The following HMGB1 variants were observed in gnomAD, a reference collection of about 807,000 sequenced individuals.
The protein encoded by HMGB1 is high mobility group box 1.
For missense variants in HMGB1, 79 were observed against 253.5 expected (o/e 0.31, Z 4.67); for synonymous variants, 81 against 84.0 (o/e 0.96, Z 0.19).
chr13:30,578,726 G>A (rs939939519), intron 1 of HMGB1, among the ~76,000 whole-genome samples: 1 of 151,956 alleles, frequency 6.6e-6, no homozygotes, highest in Non-Finnish European at 1.5e-5. Context: ...GTCTTCAATG[G>A]GCTCCACCTC....
intron 1 of HMGB1, among the ~76,000 whole-genome samples, chr13:30,575,526 A>G (rs1432071654): frequency 6.6e-6 from 1 of 152,208 alleles, no homozygotes; most frequent in East Asian, 1.9e-4. Context: ...ATTCTAAGAT[A>G]AACTGTCTGT....
chr13:30,516,732 C>T (rs1392849736), intron 1 of HMGB1, among the ~76,000 whole-genome samples: 1 of 151,928 alleles, frequency 6.6e-6, no homozygotes, highest in Non-Finnish European at 1.5e-5. Flanking sequence ...AGCCTGAGCA[C>T]CATAGTGAGA....
chr13:30,550,565 T>C (rs1869380840), intron 1 of HMGB1, among the ~76,000 whole-genome samples: 1 of 152,162 alleles, frequency 6.6e-6, no homozygotes, highest in African/African-American at 2.4e-5. Flanking sequence ...TTCATTTGCC[T>C]CTTTGCTCAG....
At chr13:30,464,324 G>C in intron 1 of HMGB1, 1 of 985,414 alleles carries the variant, frequency 1.0e-6, no homozygotes, top group Non-Finnish European at 1.2e-6. Flanking sequence ...TTTCTGTTCT[G>C]ACTAAACACG....
At chr13:30,540,582 CTTTTTTT>C (rs373841770) in intron 1 of HMGB1, 3 of 132,616 alleles carry the variant, frequency 2.3e-5, no homozygotes, top group East Asian at 2.2e-4. Flanking sequence ...ACACTTTAGT[CTTTTTTT>C]TTTTTTTTTT....
Position 30,596,374 on chromosome 13 carries a change from C to T in HMGB1, c.-15+20297G>A, listed in dbSNP as rs138006675. Among the ~76,000 whole-genome samples, 715 of 152,268 alleles carry T rather than the reference C, an allele frequency of 4.7e-3. 6 individuals are homozygous for T. The highest frequency in any genetic ancestry group is 0.015 in the African/African-American group (635 of 41,536). On this transcript the variant is annotated intron_variant, in intron 1 of 4. Coordinates refer to the HMGB1 transcript ENST00000405805. The stretch of plus-strand genomic sequence containing the variant: ...TGTCTTTATAGTGGTTTACCATACG[C>T]GCCTTAGCATGAAGTTACATGTGGT...
chr13:30,519,655 G>A lies in HMGB1; in HGVS notation c.-14-55961C>T, dbSNP rs865942705. Among the ~76,000 whole-genome samples the A allele has an allele frequency of 2.2e-4, 33 of 150,750 alleles. 1 individual carries two copies. Among genetic ancestry groups the A allele is most frequent in the Non-Finnish European group, 4.1e-4 (28 of 67,706 alleles). ...ACGGAGCTTGCAGTGAGCTGAGATC[G>A]CACCACTGCACTCCAGCCTGGGCGA... On this transcript the variant is annotated intron_variant, in intron 1 of 4. Coordinates refer to the HMGB1 transcript ENST00000405805.
chr13:30,499,003 A>C (rs565853322), intron 1 of HMGB1, among the ~76,000 whole-genome samples: 1 of 148,244 alleles, frequency 6.7e-6, no homozygotes, highest in South Asian at 2.1e-4. Flanking sequence ...CCCAGGCTGG[A>C]GTGCACTGGT....
chr13:30,538,207 T>C (rs149737355), intron 1 of HMGB1, among the ~76,000 whole-genome samples: 1 of 152,360 alleles, frequency 6.6e-6, no homozygotes, highest in African/African-American at 2.4e-5. Context: ...TCTTCAATAA[T>C]ACACAGCTCC....
chr13:30,532,671 G>A (rs1016153767), intron 1 of HMGB1, among the ~76,000 whole-genome samples: 4 of 152,016 alleles, frequency 2.6e-5, no homozygotes, highest in South Asian at 2.1e-4. Context: ...ATCATGCCCA[G>A]CTAATTTTTA....
At chr13:30,553,806 A>T (rs1869546658) in intron 1 of HMGB1, 2 of 1,377,890 alleles carry the variant, frequency 1.5e-6, no homozygotes, top group African/African-American at 2.8e-5. Flanking sequence ...CAGAAATCGA[A>T]ATAGATACAG....
intron 1 of HMGB1, among the ~76,000 whole-genome samples, chr13:30,616,115 T>C (rs890167073): frequency 6.6e-6 from 1 of 152,254 alleles, no homozygotes; most frequent in Non-Finnish European, 1.5e-5. Flanking sequence ...AGGGGTTTTC[T>C]AGTCAATCTC....
chr13:30,487,905 T>C (rs1328459800), intron 1 of HMGB1, among the ~76,000 whole-genome samples: 1 of 152,100 alleles, frequency 6.6e-6, no homozygotes, highest in African/African-American at 2.4e-5. Flanking sequence ...TGAGCTCACA[T>C]TGCATTTGGC....
intron 1 of HMGB1, among the ~76,000 whole-genome samples, chr13:30,592,401 A>G (rs1452664621): frequency 6.6e-6 from 1 of 152,178 alleles, no homozygotes; most frequent in African/African-American, 2.4e-5. Context: ...CAGTCTTCCC[A>G]GGTAATATAA....
At chr13:30,578,333 G>A (rs1870748876) in intron 1 of HMGB1, among the ~76,000 whole-genome samples, 2 of 141,940 alleles carry the variant, frequency 1.4e-5, no homozygotes, top group Admixed American at 7.1e-5. Context: ...TTCCCCACTA[G>A]ACAGAAAACT....
At chr13:30,544,587 CT>C (rs1451038664) in intron 1 of HMGB1, among the ~76,000 whole-genome samples, 1 of 152,202 alleles carries the variant, frequency 6.6e-6, no homozygotes, top group Non-Finnish European at 1.5e-5. Flanking sequence ...GTGGAGGTTC[CT>C]GGAACGTGGT....
intron 1 of HMGB1, among the ~76,000 whole-genome samples, chr13:30,608,967 G>A (rs955688071): frequency 4.6e-5 from 7 of 152,152 alleles, no homozygotes; most frequent in Non-Finnish European, 1.0e-4. Context: ...TAAAAAACAC[G>A]ATTAATAGGT....
chr13:30,480,267 G>T (rs988555103), intron 1 of HMGB1, among the ~76,000 whole-genome samples: 3 of 152,174 alleles, frequency 2.0e-5, no homozygotes, highest in South Asian at 2.1e-4. Flanking sequence ...TAAATTCAAT[G>T]AATTCAGTCT....
intron 1 of HMGB1, among the ~76,000 whole-genome samples, chr13:30,550,292 G>A (rs1338691905): frequency 6.6e-6 from 1 of 152,144 alleles, no homozygotes; most frequent in East Asian, 1.9e-4. Flanking sequence ...CTGACATTGT[G>A]CTAGGGACCA....
Sources: gnomAD v4.1 joint callset for allele counts (sites outside exome capture counted in the v4.1 genomes callset) on GRCh38, gnomAD v4.1.1 for gene constraint, MANE v1.5 for transcripts, NCBI Gene and HGNC (gene_info 2026-07-23, HGNC 2026-07-21) for gene names.